SPOP: variants seen among roughly 807,000 people sequenced by gnomAD.
SPOP encodes the protein speckle type BTB/POZ protein, also known as speckle-type POZ protein.
SPOP carries 11 observed loss-of-function variants against 45.6 expected under a neutral mutation model. The ratio of observed to expected loss-of-function variants is 0.24; its 90% CI spans 0.15 to 0.40. SPOP has a LOEUF of 0.40. Ranked by LOEUF, SPOP falls within the 10% of genes least tolerant of loss-of-function variation. The pLI is 1.00. For synonymous variants in SPOP, 166 were observed against 166.3 expected, an observed-to-expected ratio of 1.00 and a Z score of 0.01; for missense variants, 152 against 465.6, an observed-to-expected ratio of 0.33 and a Z score of 6.20.
In SPOP at chr17:49,619,453, C is replaced by A. The variant is rs977339910; in HGVS notation, c.201-68G>T. 1 of 1,515,024 alleles carries A rather than the reference C, an allele frequency of 6.6e-7. No individual in the cohort carries two copies. The highest frequency in any genetic ancestry group is 8.9e-7 in the Non-Finnish European group (1 of 1,127,690). The allele number at this position is 1,515,024 out of a possible 1,614,324, so 93.8% of individuals were successfully genotyped here. On this transcript the variant is annotated intron_variant, in intron 3 of 9. Transcript: ENST00000504102. The surrounding 1 kb of genome is among the most constrained non-coding windows in gnomAD (Gnocchi z 4.9). ...TTTTGATAGAACTGGAAATCAGACT[C>A]AAGAGAGGGAGATGTTTAAAAAACA... is the stretch of plus-strand genomic sequence containing the variant.
Position 49,627,190 on chromosome 17 carries a change from C to T in SPOP, c.-66-4314G>A, listed in dbSNP as rs1464730261. Among the ~76,000 whole-genome samples, 4 of 152,298 alleles carry T rather than the reference C, an allele frequency of 2.6e-5. No individual in the cohort carries two copies. The East Asian group carries it at 7.7e-4, about 29-fold the overall frequency. ...AGAATCTGTGAAATCACAAATGAAG[C>T]TAACATGGTGTGCTGTCTCACTTAA... On this transcript the variant is annotated intron_variant, in intron 1 of 9. Coordinates refer to ENST00000504102, the MANE Select transcript of SPOP (RefSeq NM_001007228.2).
At chr17:49,669,383 T>C (rs2073107091) in intron 1 of SPOP, among the ~76,000 whole-genome samples, 1 of 132,972 alleles carries the variant, frequency 7.5e-6, no homozygotes, top group African/African-American at 2.9e-5. Flanking sequence ...ATTTTTATAA[T>C]TAAAAAATTA....
intron 1 of SPOP, among the ~76,000 whole-genome samples, chr17:49,670,723 C>T (rs1484814186): frequency 6.6e-6 from 1 of 152,156 alleles, no homozygotes; most frequent in African/African-American, 2.4e-5. Flanking sequence ...CCTGAGTCTA[C>T]AGTACATGAC....
chr17:49,611,751 G>C (rs1172865662), intron 5 of SPOP, among the ~76,000 whole-genome samples: 1 of 152,076 alleles, frequency 6.6e-6, no homozygotes, highest in African/African-American at 2.4e-5. Context: ...CCTGGGCAAA[G>C]GTGCCAGAGA....
intron 1 of SPOP, among the ~76,000 whole-genome samples, chr17:49,624,210 G>T (rs546387391): frequency 6.6e-6 from 1 of 152,042 alleles, no homozygotes. Flanking sequence ...TTCATCTAGA[G>T]ATCTACTGTA....
intron 3 of SPOP, among the ~76,000 whole-genome samples, chr17:49,621,015 G>T (rs2072212385): frequency 6.6e-6 from 1 of 152,140 alleles, no homozygotes; most frequent in Non-Finnish European, 1.5e-5. Context: ...ACTTTTGGTG[G>T]GTTATCAGAG....
At position 49,607,478 on chromosome 17, in the gene SPOP, T is replaced by C. The variant is rs548659185; in HGVS notation, c.715-106A>G. 4.3e-6 allele frequency: 6 copies of C among 1,384,988 alleles called. No individual in the cohort carries two copies. In the African/African-American group the frequency reaches 8.8e-5, roughly 20 times the overall value. 85.8% of individuals were successfully genotyped at this position (1,384,988 alleles called of 1,614,324 possible). On this transcript the variant is annotated intron_variant, in intron 7 of 9. Transcript: ENST00000504102. ...CTAGTGAGGAGAGAACTTTGTATCA[T>C]TTAAAACCTAACATTAATGGAAAAT...
At chr17:49,670,041 A>T (rs2073117848) in intron 1 of SPOP, among the ~76,000 whole-genome samples, 1 of 152,180 alleles carries the variant, frequency 6.6e-6, no homozygotes, top group Non-Finnish European at 1.5e-5. Context: ...AGTCAAGAAT[A>T]AAGGTCTCCA....
intron 8 of SPOP, 115 bp downstream of exon 8, chr17:49,607,135 G>T: frequency 7.2e-7 from 1 of 1,383,000 alleles, no homozygotes; most frequent in Non-Finnish European, 1.0e-6. Flanking sequence ...GGACCGTCTT[G>T]GCCAAACCAA....
At chr17:49,608,774 T>C (rs2071904523) in intron 6 of SPOP, among the ~76,000 whole-genome samples, 1 of 152,166 alleles carries the variant, frequency 6.6e-6, no homozygotes, top group African/African-American at 2.4e-5. Flanking sequence ...TGGTGAAAGC[T>C]GAGATCCAAC....
At chr17:49,657,695 C>A (rs77005287) in intron 1 of SPOP, among the ~76,000 whole-genome samples, 2 of 137,998 alleles carry the variant, frequency 1.4e-5, no homozygotes, top group African/African-American at 5.2e-5. Context: ...CCGCACCCGG[C>A]CTTTTTTTTT....
rs2072158444 is a variant in SPOP at position 49,619,117 on chromosome 17, G to A, written c.353-9C>T. 3.1e-6 allele frequency: 5 copies of A among 1,610,900 alleles called. No individual in the cohort carries two copies. The highest frequency in any genetic ancestry group is 1.7e-5 in the Admixed American group (1 of 59,026). ...ATATGCCCGTTGACTCTCTGGGGTG[G>A]GGAAAAAAAAAGTCATATTTAAGGT... On this transcript the variant is annotated splice_polypyrimidine_tract_variant and intron_variant, in intron 4 of 9. Coordinates refer to ENST00000504102, the MANE Select transcript of SPOP (RefSeq NM_001007228.2). This position sits in a 1 kb window ranked among gnomAD's most constrained non-coding sequence, Gnocchi z 4.9.
In SPOP at chr17:49,599,506, G is replaced by GTTTT. The variant is rs112880999; in HGVS notation, c.*868_*871dup. 2.2e-5 allele frequency: 4 copies of GTTTT among 183,780 alleles called. No individual in the cohort carries two copies. The highest frequency in any genetic ancestry group is 9.0e-5 in the East Asian group (1 of 11,050). The allele number at this position is 183,780 out of a possible 1,614,324, so 11.4% of individuals were successfully genotyped here. On this transcript the variant is annotated 3_prime_UTR_variant, in exon 10 of 10. Transcript: ENST00000504102. ...CTTTTGTTCTGTTTTTGTTTTGTGT[G>GTTTT]TTTTTTTTTTTGTTTGTTTTTTAGA...
rs1270309265 is a variant in SPOP, at chr17:49,599,123, C to T, written c.*1255G>A. 1.9e-5 allele frequency: 4 copies of T among 209,796 alleles called. No individual in the cohort carries two copies. Among genetic ancestry groups the T allele is most frequent in the East Asian group, 7.1e-5 (1 of 14,050 alleles). The allele number at this position is 209,796 out of a possible 1,614,324, so 13.0% of individuals were successfully genotyped here. Reference sequence around the variant, plus strand: ...AGATGCTGATAGCTCACAAAGAGAACTTGAGATTACGGAGTCTCAACAAAT... The same window carrying T: ...AGATGCTGATAGCTCACAAAGAGAATTTGAGATTACGGAGTCTCAACAAAT... On this transcript the variant is annotated 3_prime_UTR_variant, in exon 10 of 10. Coordinates refer to ENST00000504102, the MANE Select transcript of SPOP (RefSeq NM_001007228.2).
chr17:49,614,150 A>G (rs544807128), intron 5 of SPOP, among the ~76,000 whole-genome samples: 1 of 152,350 alleles, frequency 6.6e-6, no homozygotes, highest in African/African-American at 2.4e-5. Context: ...ACATTTTTTA[A>G]CTTCTATATA....
intron 8 of SPOP, 131 bp downstream of exon 8, chr17:49,607,118 TA>T: frequency 1.8e-6 from 2 of 1,122,278 alleles, no homozygotes; most frequent in South Asian, 1.5e-5. Context: ...ATAATATGTG[TA>T]AACCAGGACC....
intron 1 of SPOP, among the ~76,000 whole-genome samples, chr17:49,624,900 T>C (rs888132683): frequency 1.3e-5 from 2 of 151,208 alleles, no homozygotes; most frequent in African/African-American, 2.4e-5. Flanking sequence ...AAAATTGATA[T>C]ATAAATTATT....
chr17:49,676,077 A>G (rs181967684), intron 1 of SPOP: 2 of 152,296 alleles, frequency 1.3e-5, no homozygotes, highest in Admixed American at 6.5e-5. Context: ...ACCTACTGAG[A>G]AGACGGACAC....
Position 49,600,018 on chromosome 17 carries a change from C to G in SPOP, c.*360G>C. The G allele has an allele frequency of 4.5e-6, 1 of 224,444 alleles. No homozygotes were observed. The highest frequency in any genetic ancestry group is 8.6e-6 in the Non-Finnish European group (1 of 116,734). The allele number at this position is 224,444 out of a possible 1,614,324, so 13.9% of individuals were successfully genotyped here. A position where few individuals can be genotyped will look rare whatever the true frequency, so the allele number is the denominator to read the frequency against. ...TCAATGTCCTTTCTTTTTTTTTTTTCCTTTTTGCTCCAGGCACCTGACGAT... is the reference window on the plus strand; with the variant it reads ...TCAATGTCCTTTCTTTTTTTTTTTTGCTTTTTGCTCCAGGCACCTGACGAT... On this transcript the variant is annotated 3_prime_UTR_variant, in exon 10 of 10. Coordinates refer to ENST00000504102, the MANE Select transcript of SPOP (RefSeq NM_001007228.2). This position sits in a 1 kb window ranked among gnomAD's most constrained non-coding sequence, Gnocchi z 4.2.
Sources: allele counts gnomAD v4.1 joint callset (sites outside exome capture counted in the v4.1 genomes callset), GRCh38; gene constraint gnomAD v4.1.1; non-coding constraint Gnocchi (gnomAD v3.1); transcripts MANE v1.5; gene names NCBI Gene and HGNC (gene_info 2026-07-23, HGNC 2026-07-21).